Variants in RBFOX1 observed in about 807,000 individuals in gnomAD.
RBFOX1 encodes RNA binding protein fox-1 homolog 1.
RBFOX1 carries 8 observed loss-of-function variants against 57.7 expected under a neutral mutation model. The observed-to-expected ratio is 0.14, with a 90% CI of 0.08 to 0.25. The LOEUF (loss-of-function observed/expected upper bound fraction) is 0.25, where lower values mean the gene tolerates loss of function less well. Ranked by LOEUF, RBFOX1 falls within the 10% of genes least tolerant of loss-of-function variation. The probability of loss-of-function intolerance (pLI) is 1.00; values close to 1 mark genes in which losing one functional copy is unlikely to be tolerated. For synonymous variants in RBFOX1, 326 were observed against 222.4 expected (o/e 1.47, Z -4.15); for missense variants, 611 against 548.5 (o/e 1.11, Z -1.14).
At chr16:5,580,140 G>A (rs1057304141) in intron 2 of RBFOX1, among the ~76,000 whole-genome samples, 1 of 152,200 alleles carries the variant, frequency 6.6e-6, no homozygotes, top group Admixed American at 6.5e-5. Context: ...CCTGGACTCT[G>A]CCTCCCTCGT....
intron 1 of RBFOX1, among the ~76,000 whole-genome samples, chr16:6,024,212 A>G (rs189373075): frequency 1.6e-4 from 24 of 152,268 alleles, no homozygotes; most frequent in African/African-American, 5.8e-4. Context: ...AGAAATATTT[A>G]TTTGGAATGT....
In RBFOX1 at chr16:7,460,389, A is replaced by ATATATGTG; in HGVS notation, c.28-57757_28-57756insATATGTGT. On this transcript the variant is annotated intron_variant, in intron 4 of 15. Transcript: ENST00000550418. ...TAGCAAAATATATATATATATATAT[A>ATATATGTG]TGTGTGTGTGTGTGTGTGTGTGTGT... 1.5e-3 allele frequency among the ~76,000 whole-genome samples: 133 copies of ATATATGTG among 87,136 alleles called. 3 individuals are homozygous for ATATATGTG. The highest frequency in any genetic ancestry group is 3.3e-3 in the Admixed American group (24 of 7,272). 57.2% of individuals were successfully genotyped at this position (87,136 alleles called of 152,430 possible). A position where few individuals can be genotyped will look rare whatever the true frequency, so the allele number is the denominator to read the frequency against.
rs1596935849 is a variant in RBFOX1 at position 7,379,074 on chromosome 16, T to A, written c.28-139073T>A. Among the ~76,000 whole-genome samples the A allele has an allele frequency of 3.9e-5, 6 of 152,220 alleles. No homozygotes were observed. In the South Asian group the frequency reaches 1.2e-3, roughly 32 times the overall value. ...CAGTACTTATCTCATAGAAATGTAG[T>A]ACTGGGTATGTTTCTGGCCAGTCAT... On this transcript the variant is annotated intron_variant, in intron 4 of 15. Coordinates refer to ENST00000550418, the MANE Select transcript of RBFOX1 (RefSeq NM_018723.4).
chr16:5,660,658 T>A (rs1015891835), intron 3 of RBFOX1, among the ~76,000 whole-genome samples: 2 of 152,326 alleles, frequency 1.3e-5, no homozygotes, highest in South Asian at 2.1e-4. Flanking sequence ...TATTTTTTTT[T>A]ATATTTTCCA....
rs188214673 is a variant in RBFOX1, at chr16:7,344,005, A to G, written c.28-174142A>G. On this transcript the variant is annotated intron_variant, in intron 4 of 15. Coordinates refer to ENST00000550418, the MANE Select transcript of RBFOX1 (RefSeq NM_018723.4). Reference sequence around the variant, plus strand: ...CCAATGCAATTAAATAATAGCCTCAATCTTGAGTGTTTTCTATATAGGGAA... The same window carrying G: ...CCAATGCAATTAAATAATAGCCTCAGTCTTGAGTGTTTTCTATATAGGGAA... Among the ~76,000 whole-genome samples the G allele has an allele frequency of 4.5e-3, 681 of 152,084 alleles. 7 individuals carry two copies. Among genetic ancestry groups the G allele is most frequent in the Admixed American group, 7.7e-3 (117 of 15,278 alleles).
chr16:7,364,737 C>G (rs1357588441), intron 4 of RBFOX1, among the ~76,000 whole-genome samples: 1 of 152,130 alleles, frequency 6.6e-6, no homozygotes, highest in Admixed American at 6.5e-5. Context: ...AGTCCCAGGG[C>G]AGGGAATACT....
intron 4 of RBFOX1, among the ~76,000 whole-genome samples, chr16:7,410,487 G>T (rs779730279): frequency 8.5e-5 from 13 of 152,198 alleles, no homozygotes; most frequent in Non-Finnish European, 1.5e-4. Flanking sequence ...TTCGAGACCA[G>T]CCTGACCAAC....
chr16:5,856,339 AT>A lies in RBFOX1; in HGVS notation c.319-10963del, dbSNP rs2057056562. Reference sequence around the variant, plus strand: ...TATATAGGGAAAACTGTTATATTATATATATATATATATAATGTTATGATTT... The same window carrying A: ...TATATAGGGAAAACTGTTATATTATAATATATATATATAATGTTATGATTT... On this transcript the variant is annotated intron_variant, in intron 3 of 19. Transcript: ENST00000641259. Among the ~76,000 whole-genome samples, 4 of 130,694 alleles carry A rather than the reference AT, an allele frequency of 3.1e-5. 1 individual carries two copies. Among genetic ancestry groups the A allele is most frequent in the Admixed American group, 8.1e-5 (1 of 12,280 alleles). 85.7% of individuals were successfully genotyped at this position (130,694 alleles called of 152,430 possible). A position where few individuals can be genotyped will look rare whatever the true frequency, so the allele number is the denominator to read the frequency against.
At chr16:6,481,294 G>A (rs1460439069) in intron 2 of RBFOX1, among the ~76,000 whole-genome samples, 1 of 152,158 alleles carries the variant, frequency 6.6e-6, no homozygotes, top group Non-Finnish European at 1.5e-5. Flanking sequence ...CCTTTGGGTG[G>A]CTGCAGACAT....
At chr16:6,103,065 C>T (rs757535602) in intron 1 of RBFOX1, among the ~76,000 whole-genome samples, 3 of 152,100 alleles carry the variant, frequency 2.0e-5, no homozygotes, top group Non-Finnish European at 4.4e-5. Flanking sequence ...AAATATAGAT[C>T]GAAGTTGGAC....
chr16:7,526,200 A>G (rs368992983), intron 5 of RBFOX1, among the ~76,000 whole-genome samples: 2 of 152,132 alleles, frequency 1.3e-5, no homozygotes, highest in Admixed American at 6.5e-5. Flanking sequence ...TCATCCTGAA[A>G]CCATCCTCCC....
At chr16:5,839,759 G>A (rs1042787964) in intron 3 of RBFOX1, among the ~76,000 whole-genome samples, 1 of 152,184 alleles carries the variant, frequency 6.6e-6, no homozygotes, top group African/African-American at 2.4e-5. Context: ...ACCTCCCACT[G>A]TGTTTCAAGG....
At chr16:6,178,210 A>G (rs2097029890) in intron 1 of RBFOX1, among the ~76,000 whole-genome samples, 2 of 117,094 alleles carry the variant, frequency 1.7e-5, no homozygotes, top group African/African-American at 6.6e-5. Context: ...TTTTGGAGAC[A>G]GAGTGTTGCT....
chr16:6,117,022 G>T (rs555685688), intron 1 of RBFOX1, among the ~76,000 whole-genome samples: 1 of 152,138 alleles, frequency 6.6e-6, no homozygotes, highest in African/African-American at 2.4e-5. Context: ...TCTGAATAGG[G>T]TGTGTGTCCA....
chr16:5,343,600 C>T (rs936400599), intron 1 of RBFOX1, among the ~76,000 whole-genome samples: 2 of 152,064 alleles, frequency 1.3e-5, no homozygotes, highest in African/African-American at 4.8e-5. Flanking sequence ...GGATTACAGG[C>T]ATGAGCCACT....
intron 1 of RBFOX1, among the ~76,000 whole-genome samples, chr16:6,175,160 A>G (rs145188488): frequency 2.6e-5 from 4 of 152,358 alleles, no homozygotes; most frequent in African/African-American, 9.6e-5. Context: ...GTCCGTGACT[A>G]CAGCTTATAT....
intron 3 of RBFOX1, among the ~76,000 whole-genome samples, chr16:6,869,179 C>T (rs1156666529): frequency 3.3e-5 from 5 of 152,200 alleles, no homozygotes; most frequent in South Asian, 2.1e-4. Flanking sequence ...TGCTGCTTTG[C>T]ACGCTCATCT....
chr16:6,832,934 G>A (rs1158686292), intron 3 of RBFOX1, among the ~76,000 whole-genome samples: 1 of 152,068 alleles, frequency 6.6e-6, no homozygotes, highest in Non-Finnish European at 1.5e-5. Context: ...CAATCTCTGG[G>A]GAGACAGATA....
At chr16:5,770,481 C>G (rs978956010) in intron 3 of RBFOX1, among the ~76,000 whole-genome samples, 1 of 152,138 alleles carries the variant, frequency 6.6e-6, no homozygotes, top group Non-Finnish European at 1.5e-5. Flanking sequence ...CATGAATAAC[C>G]CACCCCTTGT....
Sources: gnomAD v4.1 joint callset for allele counts (sites outside exome capture counted in the v4.1 genomes callset) on GRCh38, gnomAD v4.1.1 for gene constraint, MANE v1.5 for transcripts, NCBI Gene and HGNC (gene_info 2026-07-23, HGNC 2026-07-21) for gene names.